EN2: variants seen among roughly 807,000 people sequenced by gnomAD.
EN2 encodes engrailed homeobox 2.
EN2 carries 7 observed loss-of-function variants against 25.0 expected under a neutral mutation model. The ratio of observed to expected loss-of-function variants is 0.28; its 90% CI spans 0.16 to 0.53. The LOEUF (loss-of-function observed/expected upper bound fraction) is 0.53. Among genes scored for constraint, EN2 ranks in the 20% least tolerant of loss-of-function variants. EN2 has a pLI of 0.96. For synonymous variants in EN2, 277 were observed against 243.3 expected (o/e 1.14, Z -1.29); for missense variants, 524 against 501.8 (o/e 1.04, Z -0.42).
chr7:155,459,209 A>G, intron 1 of EN2, 147 bp downstream of exon 1: 1 of 965,680 alleles, frequency 1.0e-6, no homozygotes, highest in African/African-American at 1.7e-5. Context: ...CATTGTGTGA[A>G]GCTGACGCCG....
In EN2 at chr7:155,458,558, C is replaced by G; in HGVS notation, c.181C>G (p.Gln61Glu). 3 of 1,441,492 alleles carry G rather than the reference C, an allele frequency of 2.1e-6. No individual in the cohort carries two copies. The highest frequency in any genetic ancestry group is 2.9e-5 in the East Asian group (1 of 33,902). The allele number at this position is 1,441,492 out of a possible 1,614,324, so 89.3% of individuals were successfully genotyped here. A position where few individuals can be genotyped will look rare whatever the true frequency, so the allele number is the denominator to read the frequency against. Residue 61 changes from glutamine (Q) to glutamate (E), a missense_variant, in exon 1 of 2, where the codon CAG becomes GAG. Physicochemically the swap from Gln to Glu is conservative, Grantham distance 29. Transcript: ENST00000297375. ...PAVLQAPGNH[Q>E]HPHRITNFFI... ...GGTCCTGCAGGCGCCCGGCAACCAC[C>G]AGCACCCGCACCGCATCACCAACTT...
Position 155,458,620 on chromosome 7 carries a change from G to A in EN2, c.243G>A (p.Arg81=). 1 of 1,460,634 alleles carries A rather than the reference G, an allele frequency of 6.8e-7. No homozygotes were observed. Among genetic ancestry groups the A allele is most frequent in the Non-Finnish European group, 9.1e-7 (1 of 1,104,232 alleles). The allele number at this position is 1,460,634 out of a possible 1,614,324, so 90.5% of individuals were successfully genotyped here. A position where few individuals can be genotyped will look rare whatever the true frequency, so the allele number is the denominator to read the frequency against. Residue 81 remains arginine, a synonymous_variant, in exon 1 of 2, where the codon CGG becomes CGA. Coordinates refer to ENST00000297375, the MANE Select transcript of EN2 (RefSeq NM_001427.4). The stretch of plus-strand genomic sequence containing the variant: ...ACATCCTGCGGCCCGAGTTCGGCCG[G>A]CGAAAGGACGCGGGGACCTGCTGTG... ...IDNILRPEFG[R]RKDAGTCCAG...
At position 155,462,926 on chromosome 7, in the gene EN2, T is replaced by G. The variant is rs554132267; in HGVS notation, c.*239T>G. On this transcript the variant is annotated 3_prime_UTR_variant, in exon 2 of 2. Transcript: ENST00000297375. The stretch of plus-strand genomic sequence containing the variant: ...TATGAGATTATGCTAATTTTATGGG[T>G]TTTTTTCTTTTTTGCGAAGGGGGCT... 4 of 423,426 alleles carry G rather than the reference T, an allele frequency of 9.4e-6. No homozygotes were observed. In the East Asian group the frequency reaches 1.8e-4, roughly 19 times the overall value. The allele number at this position is 423,426 out of a possible 1,614,324, so 26.2% of individuals were successfully genotyped here.
At position 155,462,432 on chromosome 7, in the gene EN2, G is replaced by A. The variant is rs774104222; in HGVS notation, c.747G>A (p.Thr249=). ...ACAAAGAGGACAAGCGGCCGCGCACGGCCTTTACCGCCGAGCAGCTGCAGA... is the reference window on the plus strand; with the variant it reads ...ACAAAGAGGACAAGCGGCCGCGCACAGCCTTTACCGCCGAGCAGCTGCAGA... ...NPNKEDKRPR[T]AFTAEQLQRL... Residue 249 remains threonine (T), a synonymous_variant, in exon 2 of 2, where the codon ACG becomes ACA. Transcript: ENST00000297375. 3.4e-5 allele frequency: 55 copies of A among 1,614,060 alleles called. No homozygotes were observed. In the South Asian group the frequency reaches 4.0e-4, roughly 12 times the overall value.
At chr7:155,459,555 T>C (rs575060895) in intron 1 of EN2, among the ~76,000 whole-genome samples, 4 of 152,344 alleles carry the variant, frequency 2.6e-5, no homozygotes, top group African/African-American at 9.6e-5. Flanking sequence ...CATCCGGTTA[T>C]CCCGGCTGTG....
chr7:155,464,278 C>T lies in EN2; in HGVS notation c.*1591C>T, dbSNP rs1267388802. The T allele has an allele frequency of 6.6e-6, 1 of 152,298 alleles. No individual in the cohort carries two copies. The highest frequency in any genetic ancestry group is 6.5e-5 in the Admixed American group (1 of 15,280). 9.4% of individuals were successfully genotyped at this position (152,298 alleles called of 1,614,324 possible). ...ACAAACACATTATCTATATATAACGCCACACTGTCTTCTGTTTAGTGTATG... is the reference window on the plus strand; with the variant it reads ...ACAAACACATTATCTATATATAACGTCACACTGTCTTCTGTTTAGTGTATG... On this transcript the variant is annotated 3_prime_UTR_variant, in exon 2 of 2. Coordinates refer to ENST00000297375, the MANE Select transcript of EN2 (RefSeq NM_001427.4).
chr7:155,462,261 G>A (rs1795705112), intron 1 of EN2, 110 bp from the exon 2 acceptor site: 1 of 1,272,676 alleles, frequency 7.9e-7, no homozygotes, highest in Admixed American at 2.3e-5. Flanking sequence ...GCCTCGAGTG[G>A]CCTTGGGCGA....
At chr7:155,459,414 G>GT (rs974988372) in intron 1 of EN2, among the ~76,000 whole-genome samples, 11 of 152,106 alleles carry the variant, frequency 7.2e-5, no homozygotes, top group Middle Eastern at 3.4e-3. Flanking sequence ...CCCCACTGTA[G>GT]TTTTTTTTGG....
In EN2 at chr7:155,464,805, A is replaced by G. The variant is rs1795740337; in HGVS notation, c.*2118A>G. 6.6e-6 allele frequency: 1 copy of G among 152,356 alleles called. No homozygotes were observed. The highest frequency in any genetic ancestry group is 2.1e-4 in the South Asian group (1 of 4,824). 9.4% of individuals were successfully genotyped at this position (152,356 alleles called of 1,614,324 possible). A position where few individuals can be genotyped will look rare whatever the true frequency, so the allele number is the denominator to read the frequency against. On this transcript the variant is annotated 3_prime_UTR_variant, in exon 2 of 2. Coordinates refer to ENST00000297375, the MANE Select transcript of EN2 (RefSeq NM_001427.4). ...GAAATTCTTGAAGGTTACATTAAAT[A>G]AAACAAAATCTCTTTATTATAAAAT...
In EN2 at chr7:155,462,485, G is replaced by C. The variant is rs1407573130; in HGVS notation, c.800G>C (p.Arg267Thr). Residue 267 changes from arginine to threonine, a missense_variant, in exon 2 of 2, where the codon AGG becomes ACG. Transcript: ENST00000297375. ...QRLKAEFQTN[R>T]YLTEQRRQSL... ...CTCAAGGCCGAGTTCCAGACCAACA[G>C]GTACCTGACGGAGCAGCGGCGCCAG... The C allele has an allele frequency of 6.2e-7, 1 of 1,614,100 alleles. No individual in the cohort carries two copies. Among genetic ancestry groups the C allele is most frequent in the Non-Finnish European group, 8.5e-7 (1 of 1,180,058 alleles).
chr7:155,462,577 A>G lies in EN2; in HGVS notation c.892A>G (p.Lys298Glu), dbSNP rs771694848. Residue 298 changes from lysine to glutamate, a missense_variant, in exon 2 of 2, where the codon AAG becomes GAG. By Grantham distance (56) the Lys-to-Glu change is moderately conservative. Transcript: ENST00000297375. Reference sequence around the variant, plus strand: ...GATTTGGTTCCAGAACAAGCGCGCCAAGATCAAGAAGGCCACGGGCAACAA... The same window carrying G: ...GATTTGGTTCCAGAACAAGCGCGCCGAGATCAAGAAGGCCACGGGCAACAA... ...IKIWFQNKRA[K>E]IKKATGNKNT... 1.5e-5 allele frequency: 24 copies of G among 1,614,048 alleles called. No individual in the cohort carries two copies. The highest frequency in any genetic ancestry group is 8.5e-7 in the Non-Finnish European group (1 of 1,180,036).
chr7:155,462,590 C>A lies in EN2; in HGVS notation c.905C>A (p.Ala302Asp). 6.2e-7 allele frequency: 1 copy of A among 1,614,132 alleles called. No individual in the cohort carries two copies. Among genetic ancestry groups the A allele is most frequent in the Non-Finnish European group, 8.5e-7 (1 of 1,180,022 alleles). The change falls in exon 2 of 2, where the codon GCC (alanine) becomes GAC (aspartate). Residue 302 changes from alanine (A) to aspartate (D), a missense_variant. By Grantham distance (126) the Ala-to-Asp change is moderately radical. Coordinates refer to ENST00000297375, the MANE Select transcript of EN2 (RefSeq NM_001427.4). ...FQNKRAKIKK[A>D]TGNKNTLAVH... ...AACAAGCGCGCCAAGATCAAGAAGG[C>A]CACGGGCAACAAGAACACGCTGGCC... is the stretch of plus-strand genomic sequence containing the variant.
At chr7:155,459,843 G>A (rs1052185703) in intron 1 of EN2, among the ~76,000 whole-genome samples, 1 of 152,274 alleles carries the variant, frequency 6.6e-6, no homozygotes, top group African/African-American at 2.4e-5. Context: ...GCTGCTGATG[G>A]GAAAGAGGCA....
rs776564452 is a variant in EN2 at position 155,460,832 on chromosome 7, G to A, written c.686-1539G>A. 3.3e-5 allele frequency among the ~76,000 whole-genome samples: 5 copies of A among 152,344 alleles called. No individual in the cohort carries two copies. The South Asian group carries it at 8.3e-4, about 25-fold the overall frequency. On this transcript the variant is annotated intron_variant, in intron 1 of 1. Transcript: ENST00000297375. ...AGCAAGACAGGCACTGAGTGTGTAC[G>A]TGTGCATGGGGTGGGTGCCCAAGTA...
rs911871268 is a variant in EN2, at chr7:155,464,301, A to T, written c.*1614A>T. On this transcript the variant is annotated 3_prime_UTR_variant, in exon 2 of 2. Coordinates refer to ENST00000297375, the MANE Select transcript of EN2 (RefSeq NM_001427.4). ...CGCCACACTGTCTTCTGTTTAGTGT[A>T]TGGGGAAAGACCAATCCAACTGTCC... The T allele has an allele frequency of 8.5e-5, 13 of 152,434 alleles. No individual in the cohort carries two copies. The highest frequency in any genetic ancestry group is 2.9e-4 in the African/African-American group (12 of 41,456). The allele number at this position is 152,434 out of a possible 1,614,324, so 9.4% of individuals were successfully genotyped here. A position where few individuals can be genotyped will look rare whatever the true frequency, so the allele number is the denominator to read the frequency against.
chr7:155,459,718 G>A (rs752758249), intron 1 of EN2, among the ~76,000 whole-genome samples: 2 of 152,240 alleles, frequency 1.3e-5, no homozygotes, highest in Non-Finnish European at 1.5e-5. Flanking sequence ...GCGCCAGCCC[G>A]CAGTGGTGGG....
At position 155,462,476 on chromosome 7, in the gene EN2, A is replaced by T. The variant is rs1455641878; in HGVS notation, c.791A>T (p.Gln264Leu). ...EQLQRLKAEF[Q>L]TNRYLTEQRR... ...CTGCAGAGGCTCAAGGCCGAGTTCC[A>T]GACCAACAGGTACCTGACGGAGCAG... Residue 264 changes from glutamine (Q) to leucine (L), a missense_variant, in exon 2 of 2, where the codon CAG (glutamine) becomes CTG (leucine). By Grantham distance (113) the Gln-to-Leu change is moderately radical. Transcript: ENST00000297375. The T allele has an allele frequency of 6.2e-7, 1 of 1,614,238 alleles. No individual in the cohort carries two copies. Among genetic ancestry groups the T allele is most frequent in the East Asian group, 2.2e-5 (1 of 44,888 alleles).
rs1795660506 is a variant in EN2, at chr7:155,458,805, T to C, written c.428T>C (p.Leu143Pro). 2 of 1,401,390 alleles carry C rather than the reference T, an allele frequency of 1.4e-6. No individual in the cohort carries two copies. Among genetic ancestry groups the C allele is most frequent in the Non-Finnish European group, 1.8e-6 (2 of 1,089,608 alleles). The allele number at this position is 1,401,390 out of a possible 1,614,324, so 86.8% of individuals were successfully genotyped here. Reference protein sequence around the residue: ...PPCAPGAGGPLPAAGSDSPGD... With the variant: ...PPCAPGAGGPPPAAGSDSPGD... ...TGTGCGCCCGGCGCGGGCGGGCCGC[T>C]CCCAGCCGCCGGCAGCGACTCTCCG... Residue 143 changes from leucine (L) to proline (P), a missense_variant, in exon 1 of 2, where the codon CTC becomes CCC. By Grantham distance (98) the Leu-to-Pro change is moderately conservative (BLOSUM62 -3). Coordinates refer to ENST00000297375, the MANE Select transcript of EN2 (RefSeq NM_001427.4).
rs969812220 is a variant in EN2, at chr7:155,463,701, G to A, written c.*1014G>A. ...GGGGTGTGTGGCCTAAAGCCCAAGA[G>A]CGGTGGGGCGACCCTCCTTTTGGCT... On this transcript the variant is annotated 3_prime_UTR_variant, in exon 2 of 2. Coordinates refer to ENST00000297375, the MANE Select transcript of EN2 (RefSeq NM_001427.4). 1 of 152,208 alleles carries A rather than the reference G, an allele frequency of 6.6e-6. No homozygotes were observed. Among genetic ancestry groups the A allele is most frequent in the African/African-American group, 2.4e-5 (1 of 41,452 alleles). 9.4% of individuals were successfully genotyped at this position (152,208 alleles called of 1,614,324 possible). A position where few individuals can be genotyped will look rare whatever the true frequency, so the allele number is the denominator to read the frequency against.
Sources: gnomAD v4.1 joint callset for allele counts (sites outside exome capture counted in the v4.1 genomes callset) on GRCh38, gnomAD v4.1.1 for gene constraint, MANE v1.5 for transcripts, NCBI Gene and HGNC (gene_info 2026-07-23, HGNC 2026-07-21) for gene names.